The following CAPZA1 variants were observed in gnomAD, a reference collection of about 807,000 sequenced individuals.
CAPZA1 encodes F-actin-capping protein subunit alpha-1.
A neutral mutation model predicts 40.8 loss-of-function variants in CAPZA1; 10 were observed. The ratio of observed to expected loss-of-function variants is 0.25; its 90% confidence interval spans 0.15 to 0.42. CAPZA1 has a LOEUF of 0.42. Ranked by LOEUF, CAPZA1 falls within the 10% of genes least tolerant of loss-of-function variation. The pLI is 1.00. For missense variants in CAPZA1, 277 were observed against 353.8 expected, an observed-to-expected ratio of 0.78 and a Z score of 1.74; for synonymous variants, 98 against 115.0, an observed-to-expected ratio of 0.85 and a Z score of 0.95.
chr1:112,632,589 G>A (rs1670942520), intron 1 of CAPZA1, among the ~76,000 whole-genome samples: 1 of 152,156 alleles, frequency 6.6e-6, no homozygotes, highest in South Asian at 2.1e-4. Flanking sequence ...GGGGTGGGGT[G>A]TCAAATCCTA....
chr1:112,657,090 C>T (rs376983457), intron 5 of CAPZA1, among the ~76,000 whole-genome samples: 4 of 151,658 alleles, frequency 2.6e-5, no homozygotes, highest in South Asian at 4.2e-4. Flanking sequence ...TTAGTAGAGA[C>T]GGGGTTTCAC....
rs781530501 is a variant in CAPZA1, at chr1:112,654,557, A to C, written c.312A>C (p.Glu104Asp). 15 of 1,613,910 alleles carry C rather than the reference A, an allele frequency of 9.3e-6. No individual in the cohort carries two copies. The highest frequency in any genetic ancestry group is 1.3e-5 in the Non-Finnish European group (15 of 1,179,894). ...ISFKFDHLRK[E>D]ASDPQPEEAD... ...TTAAATTTGACCACTTACGGAAAGA[A>C]GCAAGTGACCCCCAGCCAGAAGAAG... The change falls in exon 5 of 10, where the codon GAA becomes GAC. Residue 104 changes from glutamate (E) to aspartate (D), a missense_variant. Glu to Asp is a conservative substitution (Grantham distance 45). Coordinates refer to ENST00000263168, the MANE Select transcript of CAPZA1 (RefSeq NM_006135.3).
chr1:112,639,596 G>A (rs1671092018), intron 1 of CAPZA1, among the ~76,000 whole-genome samples: 1 of 152,092 alleles, frequency 6.6e-6, no homozygotes, highest in South Asian at 2.1e-4. Flanking sequence ...TTGCCTTTAG[G>A]ATTTGGACAT....
At chr1:112,659,837 T>TGGCCGGGCGCGGTGGCTCAAGCC in intron 7 of CAPZA1, 58 bp downstream of exon 7, 2 of 1,370,596 alleles carry the variant, frequency 1.5e-6, no homozygotes, top group Non-Finnish European at 2.1e-6. Flanking sequence ...CATGTGCAGG[T>TGGCCGGGCGCGGTGGCTCAAGCC]TGCTTTGGTA....
At chr1:112,637,501 G>A (rs1671044119) in intron 1 of CAPZA1, among the ~76,000 whole-genome samples, 1 of 152,214 alleles carries the variant, frequency 6.6e-6, no homozygotes, top group Non-Finnish European at 1.5e-5. Flanking sequence ...AGGCTGGAGT[G>A]CAGTGGCACA....
intron 1 of CAPZA1, among the ~76,000 whole-genome samples, chr1:112,632,804 C>G (rs1203788901): frequency 2.0e-5 from 3 of 152,176 alleles, no homozygotes; most frequent in Admixed American, 6.5e-5. Flanking sequence ...TCTAATAAAA[C>G]TCTTAATTGG....
chr1:112,641,543 C>T (rs1671162369), intron 1 of CAPZA1, among the ~76,000 whole-genome samples: 1 of 152,062 alleles, frequency 6.6e-6, no homozygotes, highest in African/African-American at 2.4e-5. Flanking sequence ...GACCCCTTTA[C>T]ATACTTAAAA....
rs35670246 is a variant in CAPZA1, at chr1:112,648,347, C to CTT, written c.104-1050_104-1049dup. Among the ~76,000 whole-genome samples the CTT allele has an allele frequency of 8.1e-3, 805 of 99,354 alleles. 17 individuals carry two copies. Among genetic ancestry groups the CTT allele is most frequent in the African/African-American group, 0.023 (629 of 27,184 alleles). The allele number at this position is 99,354 out of a possible 152,430, so 65.2% of individuals were successfully genotyped here. On this transcript the variant is annotated intron_variant, in intron 2 of 9. Transcript: ENST00000263168. ...TAATAAATTTTCCTGTTGAATTTTT[C>CTT]TTTTTTTTTTTTTTTTTTTTTTGAC...
chr1:112,631,918 T>G (rs1322857579), intron 1 of CAPZA1, among the ~76,000 whole-genome samples: 1 of 152,230 alleles, frequency 6.6e-6, no homozygotes, highest in African/African-American at 2.4e-5. Flanking sequence ...AAATGTGTCA[T>G]TTTTAAACAC....
intron 1 of CAPZA1, among the ~76,000 whole-genome samples, chr1:112,641,159 A>C (rs903211703): frequency 1.3e-5 from 2 of 151,878 alleles, no homozygotes; most frequent in African/African-American, 2.4e-5. Flanking sequence ...CCTTCCCTCC[A>C]CTATTGTCCT....
intron 3 of CAPZA1, among the ~76,000 whole-genome samples, chr1:112,653,280 G>A (rs1032582113): frequency 6.6e-6 from 1 of 152,150 alleles, no homozygotes; most frequent in African/African-American, 2.4e-5. Flanking sequence ...GCCTGGCAAC[G>A]TAGTGAGACT....
At chr1:112,625,085 C>A (rs1350280039) in intron 1 of CAPZA1, among the ~76,000 whole-genome samples, 1 of 152,156 alleles carries the variant, frequency 6.6e-6, no homozygotes, top group African/African-American at 2.4e-5. Context: ...CTGTAAAACA[C>A]CCCTTCCCCT....
chr1:112,669,577 T>C lies in CAPZA1; in HGVS notation c.692T>C (p.Ile231Thr), dbSNP rs779337089. ...CAAACTGCCAAGGAGTTTATTAAAA[T>C]CATAGAGAATGCAGAAAATGAGTAT... is the stretch of plus-strand genomic sequence containing the variant. The part of the protein sequence containing the change: ...EAQTAKEFIK[I>T]IENAENEYQT... The change falls in exon 9 of 10, where the codon ATC becomes ACC. Residue 231 changes from isoleucine to threonine, a missense_variant. Physicochemically the swap from Ile to Thr is moderately conservative, Grantham distance 89. Transcript: ENST00000263168. The C allele has an allele frequency of 6.2e-7, 1 of 1,610,130 alleles. No homozygotes were observed. Among genetic ancestry groups the C allele is most frequent in the South Asian group, 1.1e-5 (1 of 90,732 alleles).
chr1:112,668,148 TC>T (rs1671763212), intron 8 of CAPZA1, among the ~76,000 whole-genome samples: 1 of 151,606 alleles, frequency 6.6e-6, no homozygotes, highest in South Asian at 2.1e-4. Flanking sequence ...TCAGCTGAGT[TC>T]CTGTAGTCCC....
At chr1:112,659,887 TG>T in intron 7 of CAPZA1, 108 bp downstream of exon 7, 1 of 751,750 alleles carries the variant, frequency 1.3e-6, no homozygotes, top group South Asian at 1.6e-5. Flanking sequence ...AAAGGGAGAC[TG>T]ATGGCAGTGA....
At chr1:112,664,884 G>A (rs539940383) in intron 7 of CAPZA1, among the ~76,000 whole-genome samples, 4 of 152,208 alleles carry the variant, frequency 2.6e-5, no homozygotes, top group Admixed American at 6.5e-5. Context: ...GCAGTGAGCC[G>A]AGATCGTGCC....
chr1:112,627,502 C>T (rs532916465), intron 1 of CAPZA1, among the ~76,000 whole-genome samples: 1 of 151,302 alleles, frequency 6.6e-6, no homozygotes, highest in Admixed American at 6.6e-5. Flanking sequence ...AAAATTAGCC[C>T]AGCATAGTGG....
Position 112,670,033 on chromosome 1 carries a change from A to G in CAPZA1, c.762A>G (p.Thr254=), listed in dbSNP as rs559987730. Residue 254 remains threonine, a synonymous_variant, in exon 10 of 10, where the codon ACA becomes ACG. Coordinates refer to ENST00000263168, the MANE Select transcript of CAPZA1 (RefSeq NM_006135.3). ...ACTATCAAACAATGTCAGATACCACATTCAAGGCCTTGCGCCGGCAGCTTC... is the reference window on the plus strand; with the variant it reads ...ACTATCAAACAATGTCAGATACCACGTTCAAGGCCTTGCGCCGGCAGCTTC... ...SENYQTMSDT[T]FKALRRQLPV... 9.9e-6 allele frequency: 16 copies of G among 1,613,956 alleles called. No homozygotes were observed. In the East Asian group the frequency reaches 2.9e-4, roughly 29 times the overall value.
chr1:112,643,279 T>G (rs183915222), intron 1 of CAPZA1, among the ~76,000 whole-genome samples: 1 of 152,220 alleles, frequency 6.6e-6, no homozygotes, highest in Non-Finnish European at 1.5e-5. Context: ...GATTTCTTCC[T>G]GATTAGAATC....
Sources: allele counts gnomAD v4.1 joint callset (sites outside exome capture counted in the v4.1 genomes callset), GRCh38; gene constraint gnomAD v4.1.1; transcripts MANE v1.5; gene names NCBI Gene and HGNC (gene_info 2026-07-23, HGNC 2026-07-21).